The following PLGRKT variants were observed in gnomAD, a reference collection of about 807,000 sequenced individuals.
The protein encoded by PLGRKT is plasminogen receptor (KT).
A neutral mutation model predicts 18.5 loss-of-function variants in PLGRKT; 22 were observed. The observed-to-expected ratio is 1.19, with a 90% CI of 0.85 to 1.70. The LOEUF (loss-of-function observed/expected upper bound fraction) is 1.70, where lower values mean the gene tolerates loss of function less well. Ranked by LOEUF, PLGRKT falls within the 40% of genes most tolerant of loss-of-function variation. The pLI is 0.00. For synonymous variants in PLGRKT, 72 were observed against 52.8 expected (o/e 1.36, Z -1.58); for missense variants, 235 against 174.4 (o/e 1.35, Z -1.96).
In PLGRKT at chr9:5,363,985, A is replaced by G. The variant is rs967345540; in HGVS notation, c.82-2097T>C. 2.0e-5 allele frequency among the ~76,000 whole-genome samples: 3 copies of G among 152,250 alleles called. No homozygotes were observed. The East Asian group carries it at 5.8e-4, about 29-fold the overall frequency. The stretch of plus-strand genomic sequence containing the variant: ...CATTACTTATTTACAAAACTTACAT[A>G]CTGATTCATCATATCCCCCAAAGTG... On this transcript the variant is annotated intron_variant, in intron 3 of 5. Transcript: ENST00000223864.
rs1217986022 is a variant in PLGRKT, at chr9:5,418,104, T to G, written c.81+13793A>C. Among the ~76,000 whole-genome samples the G allele has an allele frequency of 5.3e-5, 8 of 152,178 alleles. No individual in the cohort carries two copies. In the East Asian group the frequency reaches 1.5e-3, roughly 29 times the overall value. On this transcript the variant is annotated intron_variant, in intron 3 of 5. Coordinates refer to ENST00000223864, the MANE Select transcript of PLGRKT (RefSeq NM_018465.4). The surrounding 1 kb of genome is among the most constrained non-coding windows in gnomAD (Gnocchi z 4.2). Reference sequence around the variant, plus strand: ...GATTTTGAAAAATCAGAAATTACAGTCCATTGAATACATGATTATGAGGAT... The same window carrying G: ...GATTTTGAAAAATCAGAAATTACAGGCCATTGAATACATGATTATGAGGAT...
At chr9:5,409,065 G>T (rs1818310882) in intron 3 of PLGRKT, among the ~76,000 whole-genome samples, 1 of 152,244 alleles carries the variant, frequency 6.6e-6, no homozygotes, top group Non-Finnish European at 1.5e-5. Flanking sequence ...GCCTGCTGCA[G>T]GGGGAGATTC....
At chr9:5,376,391 A>C (rs911962018) in intron 3 of PLGRKT, among the ~76,000 whole-genome samples, 2 of 152,190 alleles carry the variant, frequency 1.3e-5, no homozygotes, top group African/African-American at 4.8e-5. Flanking sequence ...CTTTGTGTCC[A>C]TGGGTAGGTC....
At chr9:5,406,687 G>A (rs2131136616) in intron 3 of PLGRKT, among the ~76,000 whole-genome samples, 1 of 152,186 alleles carries the variant, frequency 6.6e-6, no homozygotes, top group Admixed American at 6.5e-5. Flanking sequence ...TGGGTTGACA[G>A]GTACAGCAAA....
chr9:5,431,324 A>G (rs1586748003), intron 3 of PLGRKT, among the ~76,000 whole-genome samples: 1 of 152,150 alleles, frequency 6.6e-6, no homozygotes, highest in Non-Finnish European at 1.5e-5. Context: ...ATTTGAGGCC[A>G]GGAGTTCGAG....
intron 3 of PLGRKT, among the ~76,000 whole-genome samples, chr9:5,385,190 G>C (rs1451405249): frequency 6.6e-6 from 1 of 152,144 alleles, no homozygotes; most frequent in African/African-American, 2.4e-5. Context: ...ATTTATGAAT[G>C]AATAAATGTT....
At chr9:5,407,142 T>A (rs1298422276) in intron 3 of PLGRKT, among the ~76,000 whole-genome samples, 5 of 152,208 alleles carry the variant, frequency 3.3e-5, no homozygotes, top group Non-Finnish European at 5.9e-5. Flanking sequence ...TTCTATAATT[T>A]GGCATCTAAA....
intron 5 of PLGRKT, among the ~76,000 whole-genome samples, chr9:5,358,710 T>G (rs902632959): frequency 2.0e-5 from 3 of 152,352 alleles, no homozygotes; most frequent in Non-Finnish European, 4.4e-5. Context: ...CCCATTGTCC[T>G]TTAATATAAG....
chr9:5,435,426 T>A (rs367980495), intron 2 of PLGRKT, among the ~76,000 whole-genome samples: 4 of 151,796 alleles, frequency 2.6e-5, no homozygotes, highest in Non-Finnish European at 4.4e-5. Context: ...TACATGCCCC[T>A]TATTTCCATC....
In PLGRKT at chr9:5,432,279, A is replaced by G. The variant is rs935392689; in HGVS notation, c.-6-296T>C. Among the ~76,000 whole-genome samples the G allele has an allele frequency of 5.9e-5, 9 of 152,310 alleles. No individual in the cohort carries two copies. In the South Asian group the frequency reaches 1.0e-3, roughly 18 times the overall value. On this transcript the variant is annotated intron_variant, in intron 2 of 5. Transcript: ENST00000223864. ...CTGTTTCCTGATTTTTCTTCCCACC[A>G]TAAATCTTGAAGAACTGAATTCTTG... is the stretch of plus-strand genomic sequence containing the variant.
chr9:5,385,506 A>G (rs576310493), intron 3 of PLGRKT, among the ~76,000 whole-genome samples: 4 of 151,816 alleles, frequency 2.6e-5, no homozygotes, highest in African/African-American at 9.7e-5. Context: ...CTCTGGAATA[A>G]TTAAAAGATT....
chr9:5,414,775 T>C (rs1037455378), intron 3 of PLGRKT, among the ~76,000 whole-genome samples: 3 of 152,164 alleles, frequency 2.0e-5, no homozygotes, highest in East Asian at 3.8e-4. Flanking sequence ...ACATGTCTAC[T>C]GGGATTGAAG....
Position 5,361,435 on chromosome 9 carries a change from T to C in PLGRKT, c.213-248A>G, listed in dbSNP as rs569265364. On this transcript the variant is annotated intron_variant, in intron 4 of 5. Coordinates refer to ENST00000223864, the MANE Select transcript of PLGRKT (RefSeq NM_018465.4). Reference sequence around the variant, plus strand: ...ATTTGACTCTGAAGCTCAGGTTCCTTGTTTTTAAAATGAGTAAGGATTGGT... The same window carrying C: ...ATTTGACTCTGAAGCTCAGGTTCCTCGTTTTTAAAATGAGTAAGGATTGGT... Among the ~76,000 whole-genome samples the C allele has an allele frequency of 2.0e-5, 3 of 152,324 alleles. No homozygotes were observed. The East Asian group carries it at 5.8e-4, about 29-fold the overall frequency.
At chr9:5,425,726 G>C (rs1453761022) in intron 3 of PLGRKT, among the ~76,000 whole-genome samples, 1 of 152,198 alleles carries the variant, frequency 6.6e-6, no homozygotes, top group Non-Finnish European at 1.5e-5. Context: ...CAAATGTGCA[G>C]CCAGGATTGG....
intron 3 of PLGRKT, among the ~76,000 whole-genome samples, chr9:5,365,349 T>G (rs1442493648): frequency 6.6e-6 from 1 of 152,228 alleles, no homozygotes; most frequent in African/African-American, 2.4e-5. Context: ...AACATAGTGT[T>G]GGATTATAAC....
intron 3 of PLGRKT, among the ~76,000 whole-genome samples, chr9:5,389,158 T>C (rs891348754): frequency 6.6e-6 from 1 of 151,886 alleles, no homozygotes; most frequent in African/African-American, 2.4e-5. Flanking sequence ...GCCATAGTTA[T>C]ATGATGGGAT....
At chr9:5,361,948 T>A in intron 3 of PLGRKT, 60 bp from the exon 4 acceptor site, 1 of 1,485,562 alleles carries the variant, frequency 6.7e-7, no homozygotes, top group Non-Finnish European at 9.2e-7. Flanking sequence ...AACAAATAGT[T>A]AATAATCTGT....
At chr9:5,396,046 A>G (rs943481076) in intron 3 of PLGRKT, among the ~76,000 whole-genome samples, 7 of 151,606 alleles carry the variant, frequency 4.6e-5, no homozygotes, top group African/African-American at 1.7e-4. Flanking sequence ...GGTGCCCGCC[A>G]ACATGCCCGG....
chr9:5,420,579 C>T (rs545769683), intron 3 of PLGRKT, among the ~76,000 whole-genome samples: 1 of 152,126 alleles, frequency 6.6e-6, no homozygotes, highest in Non-Finnish European at 1.5e-5. Context: ...ACACCCACTC[C>T]CTCGGTGAAC....
Sources: allele counts gnomAD v4.1 joint callset (sites outside exome capture counted in the v4.1 genomes callset), GRCh38; gene constraint gnomAD v4.1.1; non-coding constraint Gnocchi (gnomAD v3.1); transcripts MANE v1.5; gene names NCBI Gene and HGNC (gene_info 2026-07-23, HGNC 2026-07-21).